PHF20: variants seen among roughly 807,000 people sequenced by gnomAD.
PHF20 encodes the protein PHD finger protein 20.
A neutral mutation model predicts 113.5 loss-of-function variants in PHF20; 23 were observed. The ratio of observed to expected loss-of-function variants is 0.20; its 90% confidence interval spans 0.15 to 0.29. The LOEUF (loss-of-function observed/expected upper bound fraction) is 0.29. PHF20 is among the 10% of genes least tolerant of loss of function. The pLI, the probability that PHF20 is intolerant of heterozygous loss-of-function variation, is 1.00. For missense variants in PHF20, 943 were observed against 1,219.6 expected (o/e 0.77, Z 3.38); for synonymous variants, 434 against 457.3 (o/e 0.95, Z 0.65).
rs1008691849 is a variant in PHF20, at chr20:35,832,911, C to T, written c.84-9662C>T. ...AAAAATACAAAAAATGTTAGCTGGG[C>T]GTGGTGGTGGGCACCTGTAGTCCCA... On this transcript the variant is annotated intron_variant, in intron 2 of 17. Transcript: ENST00000374012. Among the ~76,000 whole-genome samples, 6 of 151,920 alleles carry T rather than the reference C, an allele frequency of 3.9e-5. No homozygotes were observed. The East Asian group carries it at 7.7e-4, about 20-fold the overall frequency.
At chr20:35,840,342 T>C (rs2042517199) in intron 2 of PHF20, among the ~76,000 whole-genome samples, 1 of 152,204 alleles carries the variant, frequency 6.6e-6, no homozygotes. Flanking sequence ...GTCTCCCTCC[T>C]ATTTTTGCCC....
At position 35,947,942 on chromosome 20, in the gene PHF20, G is replaced by C. The variant is rs1186252857; in HGVS notation, c.*315G>C. ...GTGCCACTGATGATAAACGGAATGA[G>C]AGCCAAAAAAGTTTAGTTGGAGACA... On this transcript the variant is annotated 3_prime_UTR_variant, in exon 18 of 18. Transcript: ENST00000374012. 8.5e-6 allele frequency: 2 copies of C among 235,346 alleles called. No individual in the cohort carries two copies. Among genetic ancestry groups the C allele is most frequent in the Non-Finnish European group, 1.7e-5 (2 of 120,418 alleles). 14.6% of individuals were successfully genotyped at this position (235,346 alleles called of 1,614,324 possible).
At chr20:35,898,318 G>C (rs2055029127) in intron 9 of PHF20, among the ~76,000 whole-genome samples, 1 of 152,246 alleles carries the variant, frequency 6.6e-6, no homozygotes, top group Non-Finnish European at 1.5e-5. Context: ...TTCATAGAGA[G>C]ATACTGAGGA....
chr20:35,789,570 G>A (rs939517437), intron 1 of PHF20, among the ~76,000 whole-genome samples: 1 of 151,514 alleles, frequency 6.6e-6, no homozygotes, highest in African/African-American at 2.4e-5. Context: ...TTTTTGTGAC[G>A]CAGTCTTGCT....
Position 35,938,998 on chromosome 20 carries a change from G to A in PHF20, c.2602G>A (p.Val868Ile). ...GAGGGGCTCTGCCCTCGACGATGCGGTCAACCCCCTCCATGAGAACGGCGA... is the reference window on the plus strand; with the variant it reads ...GAGGGGCTCTGCCCTCGACGATGCGATCAACCCCCTCCATGAGAACGGCGA... ...ETRGSALDDAVNPLHENGDDS... is the reference protein window; with the variant it reads ...ETRGSALDDAINPLHENGDDS... The change falls in exon 16 of 18, where the codon GTC becomes ATC. Residue 868 changes from valine (V) to isoleucine (I), a missense_variant. This residue lies in a region of PHF20 where 349 missense variants were observed against 412.3 expected (regional missense o/e 0.85). Coordinates refer to ENST00000374012, the MANE Select transcript of PHF20 (RefSeq NM_016436.5). The A allele has an allele frequency of 5.0e-6, 8 of 1,614,164 alleles. No individual in the cohort carries two copies. Among genetic ancestry groups the A allele is most frequent in the Non-Finnish European group, 6.8e-6 (8 of 1,180,028 alleles).
At chr20:35,876,668 C>T (rs2054528219) in intron 9 of PHF20, among the ~76,000 whole-genome samples, 1 of 151,850 alleles carries the variant, frequency 6.6e-6, no homozygotes, top group South Asian at 2.1e-4. Flanking sequence ...TAGTAATTCC[C>T]CTAGAAGTTT....
In PHF20 at chr20:35,823,429, C is replaced by T. The variant is rs148934609; in HGVS notation, c.84-19144C>T. ...AAGCCTAAGCAACATAATGGGACTT[C>T]GTCTCTCAAAAAAAAAAAAAAAAAA... On this transcript the variant is annotated intron_variant, in intron 2 of 17. Transcript: ENST00000374012. Among the ~76,000 whole-genome samples, 831 of 137,062 alleles carry T rather than the reference C, an allele frequency of 6.1e-3. 12 individuals carry two copies. The highest frequency in any genetic ancestry group is 0.022 in the African/African-American group (787 of 36,092). 89.9% of individuals were successfully genotyped at this position (137,062 alleles called of 152,430 possible). A position where few individuals can be genotyped will look rare whatever the true frequency, so the allele number is the denominator to read the frequency against.
chr20:35,890,045 G>C (rs569046181), intron 9 of PHF20, among the ~76,000 whole-genome samples: 4 of 148,154 alleles, frequency 2.7e-5, no homozygotes, highest in Non-Finnish European at 6.0e-5. Flanking sequence ...ATTTATTTTT[G>C]AGACAGTTCT....
chr20:35,810,481 T>TAA (rs1425190680), intron 2 of PHF20, among the ~76,000 whole-genome samples: 1 of 152,114 alleles, frequency 6.6e-6, no homozygotes, highest in African/African-American at 2.4e-5. Flanking sequence ...TCTGAACCCA[T>TAA]AAAAGCCCTG....
chr20:35,924,192 CTTTT>C (rs767943006), intron 13 of PHF20, among the ~76,000 whole-genome samples: 2 of 129,902 alleles, frequency 1.5e-5, no homozygotes. Context: ...CTTTTCTTTT[CTTTT>C]TTTTTTTTTT....
At chr20:35,797,905 C>T (rs1260046439) in intron 1 of PHF20, among the ~76,000 whole-genome samples, 1 of 152,062 alleles carries the variant, frequency 6.6e-6, no homozygotes, top group African/African-American at 2.4e-5. Context: ...CCACCTCGAC[C>T]TCCCAAAGTG....
chr20:35,792,519 C>T (rs1258077999), intron 1 of PHF20, among the ~76,000 whole-genome samples: 1 of 151,800 alleles, frequency 6.6e-6, no homozygotes, highest in Non-Finnish European at 1.5e-5. Context: ...GCCTGCCCTT[C>T]CTTCCTTCCT....
chr20:35,805,404 A>T (rs1244519278), intron 2 of PHF20, among the ~76,000 whole-genome samples: 1 of 135,166 alleles, frequency 7.4e-6, no homozygotes, highest in Non-Finnish European at 1.6e-5. Context: ...TTATTTTGAG[A>T]TGGAGTCTTG....
intron 1 of PHF20, among the ~76,000 whole-genome samples, chr20:35,800,522 G>A (rs1337067884): frequency 6.6e-6 from 1 of 152,170 alleles, no homozygotes; most frequent in African/African-American, 2.4e-5. Context: ...TGTAATACCA[G>A]CACTTTGGGA....
chr20:35,839,036 C>T (rs1318886858), intron 2 of PHF20, among the ~76,000 whole-genome samples: 1 of 150,890 alleles, frequency 6.6e-6, no homozygotes, highest in Non-Finnish European at 1.5e-5. Context: ...AGAAAATTTC[C>T]TGCCTTAGTC....
intron 2 of PHF20, among the ~76,000 whole-genome samples, chr20:35,836,957 C>A (rs1411920065): frequency 6.6e-6 from 1 of 152,060 alleles, no homozygotes; most frequent in Admixed American, 6.6e-5. Context: ...ATCGCTTGAG[C>A]CCAGGAATTT....
In PHF20 at chr20:35,865,497, GTTTTTTTTT is replaced by G. The variant is rs201623482; in HGVS notation, c.808+2114_808+2122del. 2.2e-3 allele frequency among the ~76,000 whole-genome samples: 213 copies of G among 96,596 alleles called. 1 individual carries two copies. Among genetic ancestry groups the G allele is most frequent in the African/African-American group, 9.0e-3 (204 of 22,580 alleles). The allele number at this position is 96,596 out of a possible 152,430, so 63.4% of individuals were successfully genotyped here. Reference sequence around the variant, plus strand: ...TATTTAAATTAACTTTTTAAGTTGTGTTTTTTTTTTTTTTTTTTTTTTTTTGACAGGGTC... The same window carrying G: ...TATTTAAATTAACTTTTTAAGTTGTGTTTTTTTTTTTTTTTTGACAGGGTC... On this transcript the variant is annotated intron_variant, in intron 6 of 17. Coordinates refer to ENST00000374012, the MANE Select transcript of PHF20 (RefSeq NM_016436.5).
At chr20:35,915,092 A>G (rs1033060558) in intron 12 of PHF20, among the ~76,000 whole-genome samples, 2 of 149,304 alleles carry the variant, frequency 1.3e-5, no homozygotes, top group Non-Finnish European at 3.0e-5. Flanking sequence ...ACACACATAT[A>G]TATATGTGCT....
intron 10 of PHF20, among the ~76,000 whole-genome samples, chr20:35,907,920 GTCTT>G (rs1049767552): frequency 6.6e-6 from 1 of 152,186 alleles, no homozygotes; most frequent in Non-Finnish European, 1.5e-5. Flanking sequence ...ATGTGACTAA[GTCTT>G]TCTTTAGGTC....
Sources: allele counts gnomAD v4.1 joint callset (sites outside exome capture counted in the v4.1 genomes callset), GRCh38; gene constraint gnomAD v4.1.1; regional missense constraint gnomAD v4.1.1; transcripts MANE v1.5; gene names NCBI Gene and HGNC (gene_info 2026-07-23, HGNC 2026-07-21).